The following IL17RD variants were observed in gnomAD, a reference collection of about 807,000 sequenced individuals.
IL17RD encodes the protein interleukin-17 receptor D.
In IL17RD, 52 loss-of-function variants were observed where a neutral mutation model predicts 80.5. That is an observed-to-expected ratio of 0.65 (90% CI 0.52 to 0.81). The LOEUF (loss-of-function observed/expected upper bound fraction) is 0.81, where lower values mean the gene tolerates loss of function less well. IL17RD is among the 40% of genes least tolerant of loss of function. The pLI is 0.00. For missense variants in IL17RD, 1,024 were observed against 955.1 expected (o/e 1.07, Z -0.95); for synonymous variants, 416 against 391.8 (o/e 1.06, Z -0.73).
At chr3:57,164,669 G>A (rs920659361) in intron 1 of IL17RD, among the ~76,000 whole-genome samples, 2 of 152,128 alleles carry the variant, frequency 1.3e-5, no homozygotes, top group Admixed American at 1.3e-4. Context: ...AGAGCGGGGC[G>A]CATCCCTCCC....
intron 1 of IL17RD, among the ~76,000 whole-genome samples, chr3:57,162,151 T>C (rs1458266659): frequency 6.6e-6 from 1 of 152,238 alleles, no homozygotes; most frequent in Non-Finnish European, 1.5e-5. Context: ...GTAGTCACCT[T>C]GCAAGTCTTG....
chr3:57,127,273 A>AAAATATATAT (rs1374632677), intron 1 of IL17RD, among the ~76,000 whole-genome samples: 10 of 81,376 alleles, frequency 1.2e-4, no homozygotes, highest in East Asian at 9.5e-4. Context: ...AATATATATA[A>AAAATATATAT]AAATATATAT....
chr3:57,097,112 A>G (rs1320343440), intron 12 of IL17RD, among the ~76,000 whole-genome samples: 2 of 151,994 alleles, frequency 1.3e-5, no homozygotes, highest in Non-Finnish European at 2.9e-5. Flanking sequence ...CTGCAGAAGT[A>G]GGCCTTCCTA....
intron 1 of IL17RD, among the ~76,000 whole-genome samples, chr3:57,160,856 C>T (rs1481570922): frequency 6.6e-6 from 1 of 152,152 alleles, no homozygotes; most frequent in Admixed American, 6.5e-5. Context: ...CACTCTGATC[C>T]CATTAGCTTT....
At chr3:57,166,465 G>A (rs1295759703), upstream of IL17RD, among the ~76,000 whole-genome samples, 1 of 151,884 alleles carries the variant, frequency 6.6e-6, no homozygotes, top group Admixed American at 6.6e-5. Flanking sequence ...CCTGCCAACC[G>A]CACTGAAGCC....
upstream of IL17RD, chr3:57,169,293 G>A (rs1184947028): frequency 1.9e-6 from 1 of 514,240 alleles, no homozygotes. Flanking sequence ...GTGGTGAGAG[G>A]TGGCTGTCAT....
rs142134204 is a variant in IL17RD at position 57,098,165 on chromosome 3, G to C, written c.1538C>G (p.Ser513Cys). ...CGGCTCCTGGAGGCCGTGGTCTCGGGAGTGCAAGTGGGAACAGAGCTGAGG... is the reference window on the plus strand; with the variant it reads ...CGGCTCCTGGAGGCCGTGGTCTCGGCAGTGCAAGTGGGAACAGAGCTGAGG... ...NLPQLCSHLHSRDHGLQEPGQ... is the reference protein window; with the variant it reads ...NLPQLCSHLHCRDHGLQEPGQ... Residue 513 changes from serine to cysteine, a missense_variant, in exon 12 of 13, where the codon TCC (serine) becomes TGC (cysteine). Ser to Cys is a moderately radical substitution (Grantham distance 112). Transcript: ENST00000296318. 9 of 1,613,870 alleles carry C rather than the reference G, an allele frequency of 5.6e-6. No individual in the cohort carries two copies. The highest frequency in any genetic ancestry group is 3.3e-5 in the Admixed American group (2 of 60,010).
upstream of IL17RD, chr3:57,170,231 A>G: frequency 6.6e-6 from 1 of 152,166 alleles, no homozygotes; most frequent in East Asian, 1.9e-4. Context: ...AGCGGTGCGT[A>G]CCTTGGCCAC....
At chr3:57,099,684 CA>C (rs1431093289) in intron 11 of IL17RD, among the ~76,000 whole-genome samples, 1 of 152,038 alleles carries the variant, frequency 6.6e-6, no homozygotes, top group African/African-American at 2.4e-5. Context: ...GAGTATATAC[CA>C]AGCATTTTTT....
chr3:57,096,434 G>T lies in IL17RD; in HGVS notation c.2179C>A (p.Arg727Ser). ...SGSCKADLGC[R>S]SYTDELHAVA... ...GCGTGGAGTTCATCAGTGTAGCTGC[G>T]GCAACCAAGATCTGCTTTGCATGAC... The change falls in exon 13 of 13, where the codon CGC becomes AGC. Residue 727 changes from arginine to serine, a missense_variant. Physicochemically the swap from Arg to Ser is moderately radical, Grantham distance 110. Coordinates refer to ENST00000296318, the MANE Select transcript of IL17RD (RefSeq NM_017563.5). The T allele has an allele frequency of 6.2e-7, 1 of 1,613,920 alleles. No homozygotes were observed. The highest frequency in any genetic ancestry group is 8.5e-7 in the Non-Finnish European group (1 of 1,179,848).
At position 57,091,188 on chromosome 3, in the gene IL17RD, A is replaced by G. The variant is rs1350792450; in HGVS notation, c.*5205T>C. The G allele has an allele frequency of 6.6e-6, 1 of 152,612 alleles. No homozygotes were observed. Among genetic ancestry groups the G allele is most frequent in the African/African-American group, 2.4e-5 (1 of 41,438 alleles). The allele number at this position is 152,612 out of a possible 1,614,324, so 9.5% of individuals were successfully genotyped here. A position where few individuals can be genotyped will look rare whatever the true frequency, so the allele number is the denominator to read the frequency against. ...TGAAATAAAGGTGATATCTATAGAG[A>G]TGTGTAAAAATAGGATCTAAAATTG... On this transcript the variant is annotated 3_prime_UTR_variant, in exon 13 of 13. Coordinates refer to ENST00000296318, the MANE Select transcript of IL17RD (RefSeq NM_017563.5).
intron 1 of IL17RD, among the ~76,000 whole-genome samples, chr3:57,154,699 G>A (rs564480346): frequency 6.6e-6 from 1 of 152,276 alleles, no homozygotes; most frequent in South Asian, 2.1e-4. Flanking sequence ...GCCAGCACTG[G>A]GAACTCATAG....
intron 5 of IL17RD, 131 bp downstream of exon 5, chr3:57,109,406 A>G: frequency 2.2e-6 from 2 of 907,740 alleles, no homozygotes; most frequent in Non-Finnish European, 3.3e-6. Context: ...CGGCCTCCCA[A>G]AGTGCTGGGA....
In IL17RD at chr3:57,097,909, C is replaced by A. The variant is rs745945117; in HGVS notation, c.1794G>T (p.Glu598Asp). 2 of 1,613,958 alleles carry A rather than the reference C, an allele frequency of 1.2e-6. No homozygotes were observed. The highest frequency in any genetic ancestry group is 2.7e-5 in the African/African-American group (2 of 74,944). ...CCTCTACCTTTAGGCAGAAGTCACT[C>A]TCAGGCCCTGGTTTGCACATGACAT... ...LNDVMCKPGP[E>D]SDFCLKVEAA... The change falls in exon 12 of 13, where the codon GAG becomes GAT. Residue 598 changes from glutamate to aspartate, a missense_variant. Coordinates refer to ENST00000296318, the MANE Select transcript of IL17RD (RefSeq NM_017563.5).
chr3:57,121,378 T>C (rs556846800), intron 1 of IL17RD, among the ~76,000 whole-genome samples: 60 of 152,280 alleles, frequency 3.9e-4, no homozygotes, highest in African/African-American at 1.4e-3. Context: ...TCACGCTGCT[T>C]ATCCTGAAGC....
Position 57,090,362 on chromosome 3 carries a change from G to C in IL17RD, c.*6031C>G, listed in dbSNP as rs976020920. The stretch of plus-strand genomic sequence containing the variant: ...GGTTTTCACAAAAGCTTTTGCTGCT[G>C]TCTGGACTCACCATGCTTTTTTCTT... On this transcript the variant is annotated 3_prime_UTR_variant, in exon 13 of 13. Transcript: ENST00000296318. 6.6e-6 allele frequency: 1 copy of C among 152,380 alleles called. No homozygotes were observed. The highest frequency in any genetic ancestry group is 1.5e-5 in the Non-Finnish European group (1 of 68,134). 9.4% of individuals were successfully genotyped at this position (152,380 alleles called of 1,614,324 possible).
chr3:57,135,777 TCATCAAC>T (rs1707711966), intron 1 of IL17RD, among the ~76,000 whole-genome samples: 1 of 152,300 alleles, frequency 6.6e-6, no homozygotes, highest in African/African-American at 2.4e-5. Flanking sequence ...TTATCAACTG[TCATCAAC>T]CATCATTTTC....
intron 7 of IL17RD, among the ~76,000 whole-genome samples, chr3:57,105,536 C>CAAAAAAAAAAAAAAAAAAA (rs745910085): frequency 2.2e-4 from 8 of 35,614 alleles, no homozygotes; most frequent in African/African-American, 4.0e-4. Flanking sequence ...GACTCCATCT[C>CAAAAAAAAAAAAAAAAAAA]AAAAAAAAAA....
chr3:57,109,673 AAC>A lies in IL17RD; in HGVS notation c.430-18_430-17del, dbSNP rs768780281. 5.6e-6 allele frequency: 9 copies of A among 1,610,412 alleles called. No homozygotes were observed. The East Asian group carries it at 1.8e-4, about 32-fold the overall frequency. On this transcript the variant is annotated splice_polypyrimidine_tract_variant and intron_variant, in intron 4 of 12. Transcript: ENST00000296318. ...ATTCCATTCCCTAAAAGGGAACAAA[AAC>A]ACAGTGACATCATGGAGAAATTACC...
Sources: gnomAD v4.1 joint callset for allele counts (sites outside exome capture counted in the v4.1 genomes callset) on GRCh38, gnomAD v4.1.1 for gene constraint, MANE v1.5 for transcripts, NCBI Gene and HGNC (gene_info 2026-07-23, HGNC 2026-07-21) for gene names.